Variants in MOB1B observed in about 807,000 individuals in gnomAD.
The protein encoded by MOB1B is MOB kinase activator 1B, also known as MOB1 Mps One Binder homolog B.
MOB1B carries 19 observed loss-of-function variants against 24.4 expected under a neutral mutation model. That is an observed-to-expected ratio of 0.78 (90% CI 0.54 to 1.14). The LOEUF is 1.14. MOB1B is among the 50% of genes most tolerant of loss of function. The pLI is 0.00. For missense variants in MOB1B, 243 were observed against 259.6 expected (o/e 0.94, Z 0.44); for synonymous variants, 76 against 82.1 (o/e 0.93, Z 0.40).
intron 2 of MOB1B, among the ~76,000 whole-genome samples, chr4:70,962,218 T>A (rs914078364): frequency 3.3e-5 from 5 of 152,112 alleles, no homozygotes; most frequent in African/African-American, 1.2e-4. Flanking sequence ...AAAATTTACC[T>A]ACCAAGGACT....
intron 1 of MOB1B, among the ~76,000 whole-genome samples, chr4:70,912,150 G>T (rs1393351568): frequency 2.0e-5 from 3 of 152,100 alleles, no homozygotes; most frequent in African/African-American, 7.2e-5. Context: ...ACCTACCTCA[G>T]CCTCCCAAAG....
chr4:70,941,640 C>G (rs958898028), intron 1 of MOB1B, among the ~76,000 whole-genome samples: 1 of 152,202 alleles, frequency 6.6e-6, no homozygotes, highest in Non-Finnish European at 1.5e-5. Context: ...CGTGCCCAGT[C>G]AAGAAATTTC....
chr4:70,940,448 A>G (rs939673559), intron 1 of MOB1B, among the ~76,000 whole-genome samples: 1 of 151,966 alleles, frequency 6.6e-6, no homozygotes. Context: ...AAACCACCAA[A>G]TTTGAACTGC....
chr4:70,972,296 C>T (rs1738789894), intron 3 of MOB1B, among the ~76,000 whole-genome samples: 1 of 152,044 alleles, frequency 6.6e-6, no homozygotes, highest in Non-Finnish European at 1.5e-5. Context: ...TTACTGCAAC[C>T]TCTGCATCCT....
upstream of MOB1B, chr4:70,902,229 G>T: frequency 3.7e-6 from 2 of 539,314 alleles, no homozygotes; most frequent in Middle Eastern, 5.1e-4. Flanking sequence ...GGCTTGCACC[G>T]CTATCGCGAG....
intron 1 of MOB1B, among the ~76,000 whole-genome samples, chr4:70,935,976 C>T (rs570206342): frequency 1.7e-4 from 26 of 150,530 alleles, no homozygotes; most frequent in Admixed American, 2.0e-4. Flanking sequence ...CTCAGCCTCC[C>T]AAGTAGCTGG....
At chr4:70,951,805 C>T (rs1174496906) in intron 1 of MOB1B, among the ~76,000 whole-genome samples, 7 of 152,190 alleles carry the variant, frequency 4.6e-5, no homozygotes, top group African/African-American at 1.7e-4. Context: ...GTGGGAGGAT[C>T]ACTTGAGCCA....
rs1349804746 is a variant in MOB1B at position 70,984,201 on chromosome 4, C to G, written c.*2144C>G. 1 of 152,374 alleles carries G rather than the reference C, an allele frequency of 6.6e-6. No individual in the cohort carries two copies. 9.4% of individuals were successfully genotyped at this position (152,374 alleles called of 1,614,324 possible). On this transcript the variant is annotated 3_prime_UTR_variant, in exon 6 of 6. Coordinates refer to ENST00000309395, the MANE Select transcript of MOB1B (RefSeq NM_173468.4). ...TAGTTTGTTTTCACTGTGCCAGAAT[C>G]TCAGGTGCCTGCTTAGAGTATTTCT... is the stretch of plus-strand genomic sequence containing the variant.
At chr4:70,959,900 T>C (rs1738231294) in intron 2 of MOB1B, among the ~76,000 whole-genome samples, 1 of 152,060 alleles carries the variant, frequency 6.6e-6, no homozygotes, top group South Asian at 2.1e-4. Context: ...ATTTTTATTT[T>C]GAGATCGACT....
intron 1 of MOB1B, among the ~76,000 whole-genome samples, chr4:70,906,758 G>A (rs1175965151): frequency 6.6e-6 from 1 of 152,180 alleles, no homozygotes; most frequent in Non-Finnish European, 1.5e-5. Flanking sequence ...TTCAGATTAA[G>A]CTAAACTCTC....
Position 70,982,214 on chromosome 4 carries a change from C to T in MOB1B, c.*157C>T. The stretch of plus-strand genomic sequence containing the variant: ...TTTTCTTTATTCTGATTATGTGAAA[C>T]CATATTCTATTGCTAGGGGAAGCCA... On this transcript the variant is annotated 3_prime_UTR_variant, in exon 6 of 6. Transcript: ENST00000309395. The T allele has an allele frequency of 5.7e-6, 3 of 529,562 alleles. No individual in the cohort carries two copies. The highest frequency in any genetic ancestry group is 5.6e-5 in the South Asian group (2 of 35,678). 32.8% of individuals were successfully genotyped at this position (529,562 alleles called of 1,614,324 possible).
At chr4:70,942,118 T>A (rs953783607) in intron 1 of MOB1B, among the ~76,000 whole-genome samples, 20 of 152,140 alleles carry the variant, frequency 1.3e-4, no homozygotes, top group Non-Finnish European at 5.9e-5. Context: ...AAAATTGACC[T>A]CCAAACCAGG....
chr4:70,936,633 A>G (rs1032763150), intron 1 of MOB1B, among the ~76,000 whole-genome samples: 14 of 151,996 alleles, frequency 9.2e-5, no homozygotes, highest in Non-Finnish European at 1.8e-4. Flanking sequence ...CATCCATGGG[A>G]TTCCCCTTAC....
chr4:70,910,050 T>G (rs1376713105), intron 1 of MOB1B, among the ~76,000 whole-genome samples: 1 of 151,650 alleles, frequency 6.6e-6, no homozygotes, highest in Non-Finnish European at 1.5e-5. Context: ...GCCCGGCCTT[T>G]TTTTTTTGGA....
chr4:70,960,665 A>G (rs1738268516), intron 2 of MOB1B, among the ~76,000 whole-genome samples: 2 of 152,200 alleles, frequency 1.3e-5, no homozygotes, highest in African/African-American at 4.8e-5. Context: ...CTCCTGGACC[A>G]AGAGAGTCTA....
At position 70,988,003 on chromosome 4, in the gene MOB1B, G is replaced by A. The variant is rs1421593238; in HGVS notation, c.*5946G>A. 6.6e-6 allele frequency: 1 copy of A among 152,250 alleles called. No individual in the cohort carries two copies. The allele number at this position is 152,250 out of a possible 1,614,324, so 9.4% of individuals were successfully genotyped here. The stretch of plus-strand genomic sequence containing the variant: ...TTTTTGTTTAAAAAGGGATACTGAT[G>A]TCAGAAAATCTGTAATATGTTTTAT... On this transcript the variant is annotated 3_prime_UTR_variant, in exon 6 of 6. Transcript: ENST00000309395.
chr4:70,907,233 T>C (rs927552350), intron 1 of MOB1B, among the ~76,000 whole-genome samples: 1 of 152,244 alleles, frequency 6.6e-6, no homozygotes, highest in Admixed American at 6.5e-5. Context: ...GGCCCAATTA[T>C]TGGCCTGGGG....
At position 70,975,572 on chromosome 4, in the gene MOB1B, C is replaced by T. The variant is rs571445385; in HGVS notation, c.409+286C>T. The T allele has an allele frequency of 3.9e-6, 4 of 1,030,018 alleles. No homozygotes were observed. The East Asian group carries it at 2.9e-4, about 75-fold the overall frequency. 63.8% of individuals were successfully genotyped at this position (1,030,018 alleles called of 1,614,324 possible). A position where few individuals can be genotyped will look rare whatever the true frequency, so the allele number is the denominator to read the frequency against. On this transcript the variant is annotated intron_variant, in intron 4 of 5. Coordinates refer to ENST00000309395, the MANE Select transcript of MOB1B (RefSeq NM_173468.4). ...ATTAGAAAATAAATGATCTCCCTCT[C>T]TTAAGGTAATTATTTTTGATGATAT...
upstream of MOB1B, chr4:70,902,214 G>C (rs1195600469): frequency 4.0e-6 from 2 of 505,472 alleles, no homozygotes; most frequent in Admixed American, 3.5e-5. Context: ...CGGAGGGCCG[G>C]GGTGGGCTTG....
Sources: gnomAD v4.1 joint callset for allele counts (sites outside exome capture counted in the v4.1 genomes callset) on GRCh38, gnomAD v4.1.1 for gene constraint, MANE v1.5 for transcripts, NCBI Gene and HGNC (gene_info 2026-07-23, HGNC 2026-07-21) for gene names.